EPG5: variants seen among roughly 807,000 people sequenced by gnomAD.
The protein encoded by EPG5 is ectopic P-granules 5 autophagy tethering factor.
In EPG5, 159 loss-of-function variants were observed where a neutral mutation model predicts 302.7. The observed-to-expected ratio is 0.53, with a 90% CI of 0.46 to 0.60. The LOEUF (loss-of-function observed/expected upper bound fraction) is 0.60, where lower values mean the gene tolerates loss of function less well. EPG5 is among the 20% of genes least tolerant of loss of function. The pLI, the probability that EPG5 is intolerant of heterozygous loss-of-function variation, is 0.00. For missense variants in EPG5, 2,896 were observed against 3,092.4 expected, an observed-to-expected ratio of 0.94 and a Z score of 1.51; for synonymous variants, 1,158 against 1,136.8, an observed-to-expected ratio of 1.02 and a Z score of -0.37.
In EPG5 at chr18:45,930,812, T is replaced by C. The variant is rs2050382076; in HGVS notation, c.2276A>G (p.Asn759Ser). The part of the protein sequence containing the change: ...QQLQDPEHFT[N>S]FEKCLSSMNS... ...CATAGAAGAAAGACACTTCTCAAAG[T>C]TGGTAAAATGTTCTGGGTCTGCAAG... Residue 759 changes from asparagine (N) to serine (S), a missense_variant, in exon 12 of 44, where the codon AAC becomes AGC. By Grantham distance (46) the Asn-to-Ser change is conservative. Around this residue, in one of 5 missense-constraint regions of EPG5, gnomAD observed 1,390 missense variants for 1,430.0 expected, o/e 0.97. Transcript: ENST00000282041. The C allele has an allele frequency of 8.1e-6, 13 of 1,596,266 alleles. No homozygotes were observed. The East Asian group carries it at 2.9e-4, about 36-fold the overall frequency.
chr18:45,938,299 A>C (rs1182535134), intron 10 of EPG5, among the ~76,000 whole-genome samples: 1 of 152,078 alleles, frequency 6.6e-6, no homozygotes, highest in Non-Finnish European at 1.5e-5. Context: ...CGTCTCTACT[A>C]CAAACCCAAA....
the EPG5 span, among the ~76,000 whole-genome samples, chr18:45,803,926 G>A: frequency 6.6e-6 from 1 of 152,196 alleles, no homozygotes; most frequent in African/African-American, 2.4e-5. Context: ...GAGACAGGAA[G>A]ATGTGATGTA....
At chr18:45,952,997 T>A (rs1337648647) in intron 2 of EPG5, among the ~76,000 whole-genome samples, 1 of 151,936 alleles carries the variant, frequency 6.6e-6, no homozygotes, top group African/African-American at 2.4e-5. Flanking sequence ...CACAGTGAAA[T>A]GCTGTCTCTA....
chr18:45,840,554 C>T, the EPG5 span, among the ~76,000 whole-genome samples: 2 of 152,210 alleles, frequency 1.3e-5, no homozygotes, highest in Non-Finnish European at 2.9e-5. Flanking sequence ...CACTCATCCC[C>T]GTTCCCCCCT....
At chr18:45,845,611 G>C (rs576026665), downstream of EPG5, among the ~76,000 whole-genome samples, 48 of 152,380 alleles carry the variant, frequency 3.2e-4, no homozygotes, top group South Asian at 9.5e-3. Context: ...GGCAGGCTGA[G>C]TCAGCATGGT....
At chr18:45,935,174 CAAT>C (rs1248415649) in intron 10 of EPG5, among the ~76,000 whole-genome samples, 3 of 152,212 alleles carry the variant, frequency 2.0e-5, no homozygotes, top group African/African-American at 7.2e-5. Flanking sequence ...CTAACCACAA[CAAT>C]GTGTGCATGT....
chr18:45,860,082 G>C, intron 40 of EPG5, 22 bp downstream of exon 40: 3 of 1,613,546 alleles, frequency 1.9e-6, no homozygotes, highest in Non-Finnish European at 2.5e-6. Context: ...ATACAATGGA[G>C]CGTAAGATGA....
chr18:45,908,153 G>A, intron 23 of EPG5, 72 bp from the exon 24 acceptor site: 1 of 1,225,202 alleles, frequency 8.2e-7, no homozygotes, highest in East Asian at 2.6e-5. Flanking sequence ...TACATCTCTA[G>A]GAACACTGGC....
chr18:45,869,619 T>C (rs546180907), intron 36 of EPG5, among the ~76,000 whole-genome samples: 2 of 152,326 alleles, frequency 1.3e-5, no homozygotes, highest in South Asian at 2.1e-4. Flanking sequence ...ATTTACTTAA[T>C]GCCCGTCTCA....
At chr18:45,846,350 G>A (rs1306278299), downstream of EPG5, among the ~76,000 whole-genome samples, 6 of 151,840 alleles carry the variant, frequency 4.0e-5, no homozygotes, top group East Asian at 7.7e-4. Context: ...GCGAAACCCC[G>A]CCTCTACTAG....
chr18:45,837,206 T>G, the EPG5 span: 7 of 1,482,900 alleles, frequency 4.7e-6, no homozygotes, highest in Admixed American at 1.5e-4. Flanking sequence ...GGTAAGAATA[T>G]GGGGTCAAGG....
At chr18:45,928,792 G>A (rs2050332344) in intron 13 of EPG5, 77 bp downstream of exon 13, 3 of 1,402,264 alleles carry the variant, frequency 2.1e-6, no homozygotes, top group African/African-American at 1.4e-5. Flanking sequence ...TCATTCCCAA[G>A]AACCTTCCTA....
chr18:45,916,735 T>G, intron 17 of EPG5, 153 bp from the exon 18 acceptor site: 1 of 742,092 alleles, frequency 1.3e-6, no homozygotes, highest in Non-Finnish European at 2.1e-6. Context: ...AATAAAGTTT[T>G]CACATTTAAC....
intron 35 of EPG5, among the ~76,000 whole-genome samples, chr18:45,873,730 G>C (rs947602259): frequency 6.6e-6 from 1 of 152,000 alleles, no homozygotes; most frequent in Non-Finnish European, 1.5e-5. Flanking sequence ...TAGTTTTGTA[G>C]GGAGCAAAAA....
At chr18:45,963,043 T>C (rs2051181366) in intron 1 of EPG5, among the ~76,000 whole-genome samples, 1 of 152,168 alleles carries the variant, frequency 6.6e-6, no homozygotes, top group Non-Finnish European at 1.5e-5. Flanking sequence ...ATTACTGGCA[T>C]TTATTTCATC....
chr18:45,935,402 C>T lies in EPG5; in HGVS notation c.2100-436G>A, dbSNP rs553797821. Among the ~76,000 whole-genome samples the T allele has an allele frequency of 6.6e-5, 10 of 152,254 alleles. No individual in the cohort carries two copies. In the South Asian group the frequency reaches 1.2e-3, roughly 19 times the overall value. On this transcript the variant is annotated intron_variant, in intron 10 of 43. Coordinates refer to ENST00000282041, the MANE Select transcript of EPG5 (RefSeq NM_020964.3). ...TACTAAAAATACAAAATTAGCCAAG[C>T]GTGGTGGCGCATGCCTGTAATTCCA...
chr18:45,867,737 T>C lies in EPG5; in HGVS notation c.6237A>G (p.Gly2079=), dbSNP rs768380173. The C allele has an allele frequency of 3.8e-6, 6 of 1,598,278 alleles. No individual in the cohort carries two copies. Among genetic ancestry groups the C allele is most frequent in the Non-Finnish European group, 5.1e-6 (6 of 1,172,954 alleles). ...AAAATAAGAAACAGCTCTTGGGGCT[T>C]CCTCGTTCCACCTAAAAGAAAATGA... ...LMEAFFKVER[G]SPKSCFLFLG... The change falls in exon 37 of 44, where the codon GGA becomes GGG. Residue 2079 remains glycine, a synonymous_variant. Transcript: ENST00000282041.
the EPG5 span, chr18:45,837,048 A>C: frequency 1.9e-6 from 3 of 1,540,050 alleles, no homozygotes; most frequent in Non-Finnish European, 2.7e-6. Flanking sequence ...TGAGAACTAA[A>C]ATAGATACTA....
At chr18:45,807,960 C>A in the EPG5 span, among the ~76,000 whole-genome samples, 2 of 151,390 alleles carry the variant, frequency 1.3e-5, no homozygotes, top group African/African-American at 4.9e-5. Flanking sequence ...CAAAGCCCAA[C>A]GTAAGGAAAT....
Sources: allele counts gnomAD v4.1 joint callset (sites outside exome capture counted in the v4.1 genomes callset), GRCh38; gene constraint gnomAD v4.1.1; regional missense constraint gnomAD v4.1.1; transcripts MANE v1.5; gene names NCBI Gene and HGNC (gene_info 2026-07-23, HGNC 2026-07-21).